The following PTPRG variants were observed in gnomAD, a reference collection of about 807,000 sequenced individuals.
PTPRG encodes the protein receptor-type tyrosine-protein phosphatase gamma.
A neutral mutation model predicts 165.3 loss-of-function variants in PTPRG; 102 were observed. The ratio of observed to expected loss-of-function variants is 0.62; its 90% CI spans 0.53 to 0.73. The LOEUF (loss-of-function observed/expected upper bound fraction) is 0.73. PTPRG is among the 30% of genes least tolerant of loss of function. The probability of loss-of-function intolerance (pLI) is 0.00; values close to 1 mark genes in which losing one functional copy is unlikely to be tolerated. For synonymous variants in PTPRG, 675 were observed against 669.5 expected, an observed-to-expected ratio of 1.01 and a Z score of -0.13; for missense variants, 1,866 against 1,861.4, an observed-to-expected ratio of 1.00 and a Z score of -0.05.
chr3:61,973,503 C>T (rs1461306476), intron 2 of PTPRG, among the ~76,000 whole-genome samples: 2 of 152,056 alleles, frequency 1.3e-5, no homozygotes, highest in Non-Finnish European at 2.9e-5. Context: ...ATTTTTTATG[C>T]ATCTTGCCAA....
chr3:61,675,625 T>C (rs1383842717), intron 1 of PTPRG, among the ~76,000 whole-genome samples: 1 of 152,202 alleles, frequency 6.6e-6, no homozygotes, highest in Non-Finnish European at 1.5e-5. Flanking sequence ...TATGTCTTTT[T>C]TCTGCCATTT....
rs149596954 is a variant in PTPRG, at chr3:61,652,321, A to G, written c.85+89949A>G. Among the ~76,000 whole-genome samples the G allele has an allele frequency of 1.4e-3, 206 of 152,206 alleles. 1 individual carries two copies. Among genetic ancestry groups the G allele is most frequent in the African/African-American group, 4.8e-3 (199 of 41,464 alleles). Reference sequence around the variant, plus strand: ...CTCCGTCTCAAAGTAAGTAAATAAAAAATAAAATGAAGAATCAAATAAATA... The same window carrying G: ...CTCCGTCTCAAAGTAAGTAAATAAAGAATAAAATGAAGAATCAAATAAATA... On this transcript the variant is annotated intron_variant, in intron 1 of 29. Coordinates refer to ENST00000474889, the MANE Select transcript of PTPRG (RefSeq NM_002841.4).
At chr3:61,958,148 A>T (rs569351105) in intron 2 of PTPRG, among the ~76,000 whole-genome samples, 23 of 151,354 alleles carry the variant, frequency 1.5e-4, no homozygotes, top group Admixed American at 9.2e-4. Context: ...TTTTTTTGAG[A>T]CAGACTCTTA....
rs59088777 is a variant in PTPRG, at chr3:61,620,640, T to C, written c.85+58268T>C. On this transcript the variant is annotated intron_variant, in intron 1 of 29. Coordinates refer to ENST00000474889, the MANE Select transcript of PTPRG (RefSeq NM_002841.4). ...AGTTAACAGTTACTTTTTTTTTTCT[T>C]TTTTGAAATGGAGTTAACGCTCTTG... Among the ~76,000 whole-genome samples, 939 of 152,230 alleles carry C rather than the reference T, an allele frequency of 6.2e-3. 13 individuals are homozygous for C. The highest frequency in any genetic ancestry group is 0.021 in the African/African-American group (892 of 41,542).
chr3:62,067,338 AT>A (rs1241598742), intron 4 of PTPRG, among the ~76,000 whole-genome samples: 1 of 149,354 alleles, frequency 6.7e-6, no homozygotes, highest in Non-Finnish European at 1.5e-5. Context: ...TATTCTTTGC[AT>A]TTTGGGGTGT....
intron 5 of PTPRG, among the ~76,000 whole-genome samples, chr3:62,080,056 C>G (rs1302172706): frequency 2.9e-5 from 4 of 137,958 alleles, no homozygotes; most frequent in Admixed American, 7.1e-5. Flanking sequence ...TGGACCCCTT[C>G]GGTTCATTTT....
chr3:61,857,216 T>C (rs2037133168), intron 2 of PTPRG, among the ~76,000 whole-genome samples: 1 of 152,124 alleles, frequency 6.6e-6, no homozygotes, highest in Non-Finnish European at 1.5e-5. Flanking sequence ...AAAAAATCCT[T>C]ATACAACTGA....
intron 1 of PTPRG, among the ~76,000 whole-genome samples, chr3:61,663,024 C>T (rs1300904383): frequency 1.3e-5 from 2 of 152,158 alleles, no homozygotes; most frequent in Non-Finnish European, 2.9e-5. Context: ...TGGCTCACAC[C>T]TGTAATCTCA....
At chr3:62,009,906 T>G (rs1248302819) in intron 4 of PTPRG, among the ~76,000 whole-genome samples, 1 of 151,494 alleles carries the variant, frequency 6.6e-6, no homozygotes, top group Non-Finnish European at 1.5e-5. Flanking sequence ...TGGAATAAGT[T>G]TATGTATACA....
chr3:61,905,296 C>T (rs888113829), intron 2 of PTPRG, among the ~76,000 whole-genome samples: 3 of 152,154 alleles, frequency 2.0e-5, no homozygotes, highest in African/African-American at 7.2e-5. Flanking sequence ...GGTGAGCTCA[C>T]AACCCCCAAG....
chr3:61,927,661 G>C (rs1051746015), intron 2 of PTPRG, among the ~76,000 whole-genome samples: 4 of 152,126 alleles, frequency 2.6e-5, no homozygotes, highest in African/African-American at 9.7e-5. Flanking sequence ...AGTAGAACCA[G>C]GACAGAATAA....
rs758281367 is a variant in PTPRG, at chr3:61,562,345, G to C, written c.58G>C (p.Val20Leu). ...TTTGTTCCTGAAAATCACCAGTTCCGTGCTCCATTATGTCGTGTGCTTCCC... is the reference window on the plus strand; with the variant it reads ...TTTGTTCCTGAAAATCACCAGTTCCCTGCTCCATTATGTCGTGTGCTTCCC... ...WILFLKITSS[V>L]LHYVVCFPAL... is the part of the protein sequence containing the mutation. The change falls in exon 1 of 30, where the codon GTG becomes CTG. Residue 20 changes from valine (V) to leucine (L), a missense_variant. Val to Leu is a conservative substitution (Grantham distance 32). Coordinates refer to ENST00000474889, the MANE Select transcript of PTPRG (RefSeq NM_002841.4). The C allele has an allele frequency of 3.9e-5, 63 of 1,613,572 alleles. No homozygotes were observed. Among genetic ancestry groups the C allele is most frequent in the Admixed American group, 2.0e-4 (12 of 60,000 alleles).
At chr3:61,937,702 G>C (rs1010383234) in intron 2 of PTPRG, among the ~76,000 whole-genome samples, 1 of 152,188 alleles carries the variant, frequency 6.6e-6, no homozygotes, top group Non-Finnish European at 1.5e-5. Context: ...TGCAGTCAGA[G>C]TGATCACAGT....
At chr3:62,290,928 T>C (rs1702864255) in intron 28 of PTPRG, among the ~76,000 whole-genome samples, 1 of 152,146 alleles carries the variant, frequency 6.6e-6, no homozygotes, top group Admixed American at 6.6e-5. Context: ...ACATCTAAAC[T>C]GTACTTCCGT....
chr3:61,759,098 C>G (rs1309194468), intron 2 of PTPRG, among the ~76,000 whole-genome samples: 1 of 152,172 alleles, frequency 6.6e-6, no homozygotes, highest in Non-Finnish European at 1.5e-5. Flanking sequence ...ACTTCTCTCT[C>G]TCAGCTGGTA....
chr3:61,668,568 G>A lies in PTPRG; in HGVS notation c.86-80310G>A, dbSNP rs190262856. 1.2e-3 allele frequency among the ~76,000 whole-genome samples: 183 copies of A among 152,306 alleles called. 3 individuals carry two copies. The highest frequency in any genetic ancestry group is 1.0e-3 in the Non-Finnish European group (69 of 68,026). Reference sequence around the variant, plus strand: ...ACAGCAACTCAAGGTTAGGTGGGGGGAGACCAAGAATTGAGTTTCTTTTGT... The same window carrying A: ...ACAGCAACTCAAGGTTAGGTGGGGGAAGACCAAGAATTGAGTTTCTTTTGT... On this transcript the variant is annotated intron_variant, in intron 1 of 29. Coordinates refer to ENST00000474889, the MANE Select transcript of PTPRG (RefSeq NM_002841.4).
chr3:61,681,547 G>A lies in PTPRG; in HGVS notation c.86-67331G>A, dbSNP rs1021866543. Among the ~76,000 whole-genome samples, 6 of 152,038 alleles carry A rather than the reference G, an allele frequency of 3.9e-5. 1 individual carries two copies. Among genetic ancestry groups the A allele is most frequent in the Admixed American group, 2.0e-4 (3 of 15,256 alleles). On this transcript the variant is annotated intron_variant, in intron 1 of 29. Transcript: ENST00000474889. The stretch of plus-strand genomic sequence containing the variant: ...AAGCATTGTCATACAGAGAGGACTC[G>A]GCCGTTTGTTTCACCTTGATATATT...
chr3:61,838,844 G>A (rs1268841616), intron 2 of PTPRG, among the ~76,000 whole-genome samples: 1 of 152,150 alleles, frequency 6.6e-6, no homozygotes, highest in African/African-American at 2.4e-5. Context: ...AAAATTGATA[G>A]CATGTTATTA....
Position 61,562,169 on chromosome 3 carries a change from G to A in PTPRG, c.-119G>A. On this transcript the variant is annotated 5_prime_UTR_variant, in exon 1 of 30. Coordinates refer to ENST00000474889, the MANE Select transcript of PTPRG (RefSeq NM_002841.4). ...GGACTCGGGCCGCCGAGCGCGGGGG[G>A]CCCGTGGAGCGGGCGAGCCGGGGAA... 2 of 865,654 alleles carry A rather than the reference G, an allele frequency of 2.3e-6. No homozygotes were observed. The highest frequency in any genetic ancestry group is 1.5e-5 in the South Asian group (1 of 67,378). The allele number at this position is 865,654 out of a possible 1,614,324, so 53.6% of individuals were successfully genotyped here.
Sources: allele counts gnomAD v4.1 joint callset (sites outside exome capture counted in the v4.1 genomes callset), GRCh38; gene constraint gnomAD v4.1.1; transcripts MANE v1.5; gene names NCBI Gene and HGNC (gene_info 2026-07-23, HGNC 2026-07-21).